The following NCOR1 variants were observed in gnomAD, a reference collection of about 807,000 sequenced individuals.
NCOR1 encodes protein phosphatase 1, regulatory subunit 109.
In NCOR1, 63 loss-of-function variants were observed where a neutral mutation model predicts 288.1. That is an observed-to-expected ratio of 0.22 (90% CI 0.18 to 0.27). NCOR1 has a LOEUF of 0.27. NCOR1 is among the 10% of genes least tolerant of loss of function. NCOR1 has a pLI of 1.00. For missense variants in NCOR1, 2,397 were observed against 3,019.2 expected, an observed-to-expected ratio of 0.79 and a Z score of 4.83; for synonymous variants, 1,007 against 1,065.9, an observed-to-expected ratio of 0.94 and a Z score of 1.08.
intron 14 of NCOR1, among the ~76,000 whole-genome samples, chr17:16,129,502 A>G (rs551651308): frequency 1.3e-5 from 2 of 152,340 alleles, no homozygotes; most frequent in South Asian, 4.1e-4. Context: ...TGCTAGAGAA[A>G]ACTGATAAAC....
chr17:16,046,253 A>G (rs2058631722), intron 42 of NCOR1, among the ~76,000 whole-genome samples: 1 of 152,192 alleles, frequency 6.6e-6, no homozygotes, highest in African/African-American at 2.4e-5. Flanking sequence ...TAGTTACTGT[A>G]AAAGTAGAGC....
intron 3 of NCOR1, among the ~76,000 whole-genome samples, chr17:16,178,055 TAA>T (rs1358937534): frequency 1.3e-5 from 2 of 149,962 alleles, no homozygotes; most frequent in Non-Finnish European, 3.0e-5. Flanking sequence ...ACCAAAAATA[TAA>T]AATTAGCCAG....
intron 45 of NCOR1, 21 bp downstream of exon 45, chr17:16,034,744 A>C (rs758354100): frequency 2.5e-6 from 4 of 1,581,520 alleles, no homozygotes; most frequent in South Asian, 2.3e-5. Context: ...CTCATTTTCT[A>C]AGTTAAAGCA....
intron 6 of NCOR1, among the ~76,000 whole-genome samples, chr17:16,155,924 TCTC>T (rs1358561270): frequency 3.9e-5 from 6 of 152,144 alleles, no homozygotes; most frequent in Non-Finnish European, 8.8e-5. Context: ...CCCATTGTGC[TCTC>T]CTCCTCCCCT....
chr17:16,135,155 T>C (rs1272557112), intron 14 of NCOR1, among the ~76,000 whole-genome samples: 3 of 91,514 alleles, frequency 3.3e-5, no homozygotes, highest in African/African-American at 1.0e-4. Context: ...CGAGACTCCA[T>C]CTCAAAAAAA....
intron 45 of NCOR1, among the ~76,000 whole-genome samples, chr17:16,032,858 T>G (rs562229812): frequency 6.6e-6 from 1 of 152,312 alleles, no homozygotes; most frequent in Non-Finnish European, 1.5e-5. Context: ...AGTATAGTTC[T>G]CAGACGACAA....
At chr17:16,190,756 G>A (rs757019866) in intron 2 of NCOR1, among the ~76,000 whole-genome samples, 30 of 152,318 alleles carry the variant, frequency 2.0e-4, no homozygotes, top group Non-Finnish European at 4.1e-4. Context: ...AGGTAACACT[G>A]CTCAGAATTA....
Position 16,127,251 on chromosome 17 carries a change from ATATGTGTGTG to A in NCOR1, c.1510-1055_1510-1046del, listed in dbSNP as rs1568193012. 1.5e-4 allele frequency among the ~76,000 whole-genome samples: 20 copies of A among 129,690 alleles called. 4 individuals are homozygous for A. Among genetic ancestry groups the A allele is most frequent in the African/African-American group, 6.3e-4 (20 of 31,840 alleles). 85.1% of individuals were successfully genotyped at this position (129,690 alleles called of 152,430 possible). On this transcript the variant is annotated intron_variant, in intron 14 of 45. Transcript: ENST00000268712. Reference sequence around the variant, plus strand: ...TACATGTATGCATATATGTATGTATATATGTGTGTGTATATATGTATGTATATATACGTGT... The same window carrying A: ...TACATGTATGCATATATGTATGTATATATATATGTATGTATATATACGTGT...
intron 1 of NCOR1, among the ~76,000 whole-genome samples, chr17:16,209,425 A>T (rs1051836806): frequency 6.6e-6 from 1 of 152,146 alleles, no homozygotes; most frequent in Non-Finnish European, 1.5e-5. Context: ...CTTTTCCTTT[A>T]TAATAAATTT....
At chr17:16,036,457 C>T (rs2151901753) in intron 44 of NCOR1, among the ~76,000 whole-genome samples, 1 of 152,308 alleles carries the variant, frequency 6.6e-6, no homozygotes, top group African/African-American at 2.4e-5. Context: ...GCATTAGCCC[C>T]TAACAAGAGA....
chr17:16,144,846 C>T (rs942273828), intron 10 of NCOR1, among the ~76,000 whole-genome samples: 21 of 149,314 alleles, frequency 1.4e-4, no homozygotes, highest in African/African-American at 5.2e-4. Flanking sequence ...CCTCTGTTGC[C>T]GAAGCTGGAC....
chr17:16,093,465 T>C (rs1397872684), intron 21 of NCOR1, among the ~76,000 whole-genome samples: 1 of 152,194 alleles, frequency 6.6e-6, no homozygotes, highest in Admixed American at 6.5e-5. Flanking sequence ...CTGTTTTATT[T>C]TTCTGTCTCT....
chr17:16,194,005 C>G (rs769208033), intron 2 of NCOR1, among the ~76,000 whole-genome samples: 1 of 152,164 alleles, frequency 6.6e-6, no homozygotes, highest in Non-Finnish European at 1.5e-5. Context: ...ACAAACTCTT[C>G]CTATGATAAA....
At chr17:16,117,520 A>G (rs1331240593) in intron 18 of NCOR1, among the ~76,000 whole-genome samples, 3 of 151,116 alleles carry the variant, frequency 2.0e-5, no homozygotes, top group Non-Finnish European at 4.4e-5. Flanking sequence ...CTCAGAAAAA[A>G]AAAAAAAAAA....
In NCOR1 at chr17:16,186,647, A is replaced by C; in HGVS notation, c.149T>G (p.Val50Gly). ...CTGCAAAAGCTGTGATGCCTGACTC[A>C]CTTCAAGATGAGAGGAACGATAATC... ...VPDYRSSHLE[V>G]SQASQLLQQQ... Residue 50 changes from valine (V) to glycine (G), a missense_variant, in exon 3 of 46, where the codon GTG (valine) becomes GGG (glycine). Transcript: ENST00000268712. 3 of 1,614,038 alleles carry C rather than the reference A, an allele frequency of 1.9e-6. No individual in the cohort carries two copies. Among genetic ancestry groups the C allele is most frequent in the Non-Finnish European group, 2.5e-6 (3 of 1,179,936 alleles).
At chr17:16,043,026 G>T (rs1211550186) in intron 42 of NCOR1, among the ~76,000 whole-genome samples, 2 of 152,058 alleles carry the variant, frequency 1.3e-5, no homozygotes, top group African/African-American at 2.4e-5. Flanking sequence ...AACAATCAAG[G>T]GCCAGGCAAA....
At chr17:16,112,941 C>T (rs1256165741) in intron 18 of NCOR1, among the ~76,000 whole-genome samples, 3 of 152,036 alleles carry the variant, frequency 2.0e-5, no homozygotes, top group Admixed American at 6.6e-5. Flanking sequence ...GATGGAATCT[C>T]GCTCTGTCGC....
rs373568801 is a variant in NCOR1 at position 16,201,944 on chromosome 17, C to T, written c.-70-7305G>A. Among the ~76,000 whole-genome samples the T allele has an allele frequency of 2.0e-5, 3 of 151,954 alleles. No homozygotes were observed. In the East Asian group the frequency reaches 5.8e-4, roughly 30 times the overall value. ...GTCTCTACTAAAAATACAAAAAATA[C>T]GGCTGGGCGCGGTGGCTCACGCCTG... On this transcript the variant is annotated intron_variant, in intron 1 of 45. Transcript: ENST00000268712.
intron 6 of NCOR1, among the ~76,000 whole-genome samples, chr17:16,156,438 A>G (rs1419693714): frequency 6.8e-6 from 1 of 147,750 alleles, no homozygotes; most frequent in African/African-American, 2.6e-5. Context: ...TCTGTCTCGA[A>G]AAAAAAAAGA....
Sources: allele counts gnomAD v4.1 joint callset (sites outside exome capture counted in the v4.1 genomes callset), GRCh38; gene constraint gnomAD v4.1.1; transcripts MANE v1.5; gene names NCBI Gene and HGNC (gene_info 2026-07-23, HGNC 2026-07-21).